The following AFF2 variants were observed in gnomAD, a reference collection of about 807,000 sequenced individuals.
AFF2 encodes ALF transcription elongation factor 2, also known as AF4/FMR2 family member 2.
In AFF2, 14 loss-of-function variants were observed where a neutral mutation model predicts 76.9. The ratio of observed to expected loss-of-function variants is 0.18; its 90% CI spans 0.12 to 0.28. The LOEUF is 0.28. Among genes scored for constraint, AFF2 ranks in the 10% least tolerant of loss-of-function variants. The pLI is 1.00. For synonymous variants in AFF2, 398 were observed against 366.7 expected, an observed-to-expected ratio of 1.09 and a Z score of -0.98; for missense variants, 868 against 1,001.1, an observed-to-expected ratio of 0.87 and a Z score of 1.79.
intron 16 of AFF2, among the ~76,000 whole-genome samples, chrX:148,974,372 A>G (rs1318104237): frequency 9.0e-6 from 1 of 111,570 alleles, no homozygotes; most frequent in African/African-American, 3.3e-5. Context: ...GATAAGCACC[A>G]TCGTTCACTA....
At chrX:148,918,969 T>A (rs1226577815) in intron 9 of AFF2, among the ~76,000 whole-genome samples, 6 of 112,030 alleles carry the variant, frequency 5.4e-5, no homozygotes, top group Admixed American at 9.5e-5. Flanking sequence ...TCTCTCTGCC[T>A]GGGCCACTCA....
chrX:148,622,165 T>A (rs144938794), intron 1 of AFF2, among the ~76,000 whole-genome samples: 1,383 of 112,160 alleles, frequency 0.012, 28 homozygotes, highest in African/African-American at 0.04. Flanking sequence ...GCGAAAGCTC[T>A]GACAATGATT....
At chrX:148,830,531 C>G (rs1270214048) in intron 4 of AFF2, among the ~76,000 whole-genome samples, 1 of 111,551 alleles carries the variant, frequency 9.0e-6, no homozygotes, top group Admixed American at 9.5e-5. Flanking sequence ...GGAAAGAGTA[C>G]AAAGAGAGAA....
intron 1 of AFF2, among the ~76,000 whole-genome samples, chrX:148,530,680 T>C (rs2052719850): frequency 9.0e-6 from 1 of 111,612 alleles, no homozygotes; most frequent in African/African-American, 3.3e-5. Flanking sequence ...ACACAAAATA[T>C]GTTTCATTCT....
rs1557261820 is a variant in AFF2, at chrX:148,701,018, G to GAA, written c.1041+38250_1041+38251insAA. Among the ~76,000 whole-genome samples, 702 of 103,759 alleles carry GAA rather than the reference G, an allele frequency of 6.8e-3. 1 individual carries two copies. Among genetic ancestry groups the GAA allele is most frequent in the African/African-American group, 0.024 (642 of 27,145 alleles). The allele number at this position is 103,759 out of a possible 115,157, so 90.1% of individuals were successfully genotyped here. A position where few individuals can be genotyped will look rare whatever the true frequency, so the allele number is the denominator to read the frequency against. The stretch of plus-strand genomic sequence containing the variant: ...AGAGAGAGAGAGAGAGAGAATGTGT[G>GAA]TGTGTGTGTGTGTGTGTGTGTGTGT... On this transcript the variant is annotated intron_variant, in intron 3 of 20. Transcript: ENST00000370460.
At chrX:148,527,471 A>T (rs2052675681) in intron 1 of AFF2, among the ~76,000 whole-genome samples, 1 of 111,365 alleles carries the variant, frequency 9.0e-6, no homozygotes, top group African/African-American at 3.3e-5. Context: ...TTATTGAGAC[A>T]GTTGGTGAAA....
At chrX:148,824,173 A>G (rs887202874) in intron 4 of AFF2, among the ~76,000 whole-genome samples, 1 of 110,275 alleles carries the variant, frequency 9.1e-6, no homozygotes, top group Non-Finnish European at 1.9e-5. Context: ...GAAGTACCAC[A>G]GCAGCACTTG....
rs141608468 is a variant in AFF2, at chrX:148,635,408, G to A, written c.48-16591G>A. ...CTCCCCTGGAGCCTTCAGAAGGAAC[G>A]CAGCTCTGCCAATACCTTGATTTTA... is the stretch of plus-strand genomic sequence containing the variant. On this transcript the variant is annotated intron_variant, in intron 1 of 20. Transcript: ENST00000370460. Among the ~76,000 whole-genome samples the A allele has an allele frequency of 9.0e-3, 1,006 of 111,612 alleles. 4 individuals carry two copies. The highest frequency in any genetic ancestry group is 0.029 in the South Asian group (78 of 2,678).
chrX:148,573,398 G>A (rs1193835650), intron 1 of AFF2, among the ~76,000 whole-genome samples: 2 of 111,205 alleles, frequency 1.8e-5, no homozygotes, highest in Non-Finnish European at 3.8e-5. Flanking sequence ...ATATGGAGTG[G>A]ATAGGAATTT....
intron 3 of AFF2, among the ~76,000 whole-genome samples, chrX:148,748,485 G>A (rs1557266248): frequency 8.9e-6 from 1 of 111,801 alleles, no homozygotes; most frequent in Non-Finnish European, 1.9e-5. Flanking sequence ...AAATACTCCC[G>A]AAGAGCAAAT....
At chrX:148,982,352 G>A (rs782249207) in intron 19 of AFF2, among the ~76,000 whole-genome samples, 4 of 111,925 alleles carry the variant, frequency 3.6e-5, no homozygotes, top group South Asian at 7.5e-4. Context: ...TCTGCAGCAC[G>A]ATGGGCTGGG....
At chrX:148,981,281 C>T (rs1603352646) in intron 19 of AFF2, among the ~76,000 whole-genome samples, 1 of 111,318 alleles carries the variant, frequency 9.0e-6, no homozygotes, top group Non-Finnish European at 1.9e-5. Context: ...GAAAAGCATC[C>T]ACTATAATGC....
chrX:148,710,852 C>T (rs1416218068), intron 3 of AFF2, among the ~76,000 whole-genome samples: 1 of 111,600 alleles, frequency 9.0e-6, no homozygotes, highest in African/African-American at 3.3e-5. Context: ...GTACCAGTTT[C>T]ATAGGTTGGG....
At chrX:148,515,866 C>T (rs2052528805) in intron 1 of AFF2, among the ~76,000 whole-genome samples, 1 of 111,707 alleles carries the variant, frequency 9.0e-6, no homozygotes. Flanking sequence ...GTGAGGCCAA[C>T]CCCTTGTTCA....
At chrX:148,838,614 G>C (rs1012912688) in intron 5 of AFF2, among the ~76,000 whole-genome samples, 2 of 111,759 alleles carry the variant, frequency 1.8e-5, no homozygotes, top group Non-Finnish European at 3.8e-5. Flanking sequence ...TAAGACTAGT[G>C]TGAGCAAGGT....
At chrX:148,765,902 T>C (rs2069509515) in intron 3 of AFF2, among the ~76,000 whole-genome samples, 1 of 87,998 alleles carries the variant, frequency 1.1e-5, no homozygotes, top group East Asian at 3.8e-4. Flanking sequence ...CCCCTTCCTG[T>C]GTCCATGTGT....
intron 1 of AFF2, among the ~76,000 whole-genome samples, chrX:148,571,513 A>G (rs149340750): frequency 8.1e-5 from 9 of 111,597 alleles, no homozygotes; most frequent in Admixed American, 2.9e-4. Context: ...AACAGATGGA[A>G]AAGCTGTATG....
chrX:148,686,971 A>G (rs1260181195), intron 3 of AFF2, among the ~76,000 whole-genome samples: 2 of 111,867 alleles, frequency 1.8e-5, no homozygotes, highest in Non-Finnish European at 3.8e-5. Flanking sequence ...TGAGTACAGA[A>G]AGATAGGCAA....
chrX:148,528,485 C>T (rs2044233840), intron 1 of AFF2, among the ~76,000 whole-genome samples: 1 of 110,967 alleles, frequency 9.0e-6, no homozygotes, highest in Admixed American at 9.6e-5. Context: ...TCATGGCGTT[C>T]CTGGTGTTCA....
Sources: gnomAD v4.1 joint callset for allele counts (sites outside exome capture counted in the v4.1 genomes callset) on GRCh38, gnomAD v4.1.1 for gene constraint, MANE v1.5 for transcripts, NCBI Gene and HGNC (gene_info 2026-07-23, HGNC 2026-07-21) for gene names.